Variants in DNAH8 observed in about 807,000 individuals in gnomAD.
DNAH8 encodes dynein axonemal heavy chain 8, also known as axonemal beta dynein heavy chain 8.
A neutral mutation model predicts 562.1 loss-of-function variants in DNAH8; 382 were observed. That is an observed-to-expected ratio of 0.68 (90% confidence interval 0.63 to 0.74). DNAH8 has a LOEUF of 0.74. DNAH8 is among the 30% of genes least tolerant of loss of function. DNAH8 has a pLI of 0.00. For synonymous variants in DNAH8, 1,881 were observed against 1,919.4 expected, an observed-to-expected ratio of 0.98 and a Z score of 0.52; for missense variants, 5,203 against 5,620.4, an observed-to-expected ratio of 0.93 and a Z score of 2.37.
Position 38,938,037 on chromosome 6 carries a change from A to T in DNAH8, c.11627A>T (p.Glu3876Val). Reference sequence around the variant, plus strand: ...CGAACTACCAAGCAGACAGCAGCTGAGGTAAGTGAAAAGTTGCATGTGGCT... The same window carrying T: ...CGAACTACCAAGCAGACAGCAGCTGTGGTAAGTGAAAAGTTGCATGTGGCT... Reference protein sequence around the residue: ...VLRTTKQTAAEVSEKLHVAAE... With the variant: ...VLRTTKQTAAVVSEKLHVAAE... The change falls in exon 78 of 93, where the codon GAG (glutamate) becomes GTG (valine). Residue 3876 changes from glutamate to valine, a missense_variant. Coordinates refer to ENST00000327475, the MANE Select transcript of DNAH8 (RefSeq NM_001206927.2). 6.2e-7 allele frequency: 1 copy of T among 1,613,986 alleles called. No individual in the cohort carries two copies.
rs772420159 is a variant in DNAH8 at position 38,898,360 on chromosome 6, G to A, written c.9043G>A (p.Ala3015Thr). 27 of 1,577,774 alleles carry A rather than the reference G, an allele frequency of 1.7e-5. No homozygotes were observed. Among genetic ancestry groups the A allele is most frequent in the South Asian group, 4.9e-5 (4 of 82,274 alleles). Reference sequence around the variant, plus strand: ...TCTTGATCTGGTGTTTTTTAAAGATGCAATGACTCATCTTATTAAGGTCCT... The same window carrying A: ...TCTTGATCTGGTGTTTTTTAAAGATACAATGACTCATCTTATTAAGGTCCT... ...TSLDLVFFKD[A>T]MTHLIKISRI... The change falls in exon 61 of 93, where the codon GCA becomes ACA. Residue 3015 changes from alanine to threonine, a missense_variant. Ala to Thr is a moderately conservative substitution (Grantham distance 58). This residue lies in a region of DNAH8 where 977 missense variants were observed against 1,061.8 expected (regional missense o/e 0.92). Coordinates refer to ENST00000327475, the MANE Select transcript of DNAH8 (RefSeq NM_001206927.2).
intron 11 of DNAH8, chr6:38,763,859 G>A (rs1738181): frequency 0.22 from 33,988 of 153,432 alleles, 4,170 homozygotes; most frequent in East Asian, 0.46. Context: ...TGGAAGAAGC[G>A]AGAGGCTAAA....
Position 38,842,438 on chromosome 6 carries a change from T to C in DNAH8, c.4537T>C (p.Tyr1513His), listed in dbSNP as rs1036924909. 2.5e-6 allele frequency: 4 copies of C among 1,612,876 alleles called. No homozygotes were observed. The highest frequency in any genetic ancestry group is 1.3e-5 in the African/African-American group (1 of 74,912). ...CGTAATGAGCAGTATTAGTGGTTATTATGAAATACTTTGGGGAGATGTAGA... is the reference window on the plus strand; with the variant it reads ...CGTAATGAGCAGTATTAGTGGTTATCATGAAATACTTTGGGGAGATGTAGA... Reference protein sequence around the residue: ...DTVMSSISGYYEILWGDVDIE... With the variant: ...DTVMSSISGYHEILWGDVDIE... The change falls in exon 34 of 93, where the codon TAT (tyrosine) becomes CAT (histidine). Residue 1513 changes from tyrosine to histidine, a missense_variant. This residue lies in a region of DNAH8 where 2,176 missense variants were observed against 2,365.1 expected (regional missense o/e 0.92). Coordinates refer to ENST00000327475, the MANE Select transcript of DNAH8 (RefSeq NM_001206927.2).
intron 28 of DNAH8, among the ~76,000 whole-genome samples, chr6:38,825,086 A>T (rs1773196342): frequency 6.6e-6 from 1 of 152,176 alleles, no homozygotes; most frequent in Admixed American, 6.5e-5. Flanking sequence ...GGAGAGTGGC[A>T]TCTAAAAATG....
At chr6:38,889,866 C>T (rs1482289420) in intron 57 of DNAH8, among the ~76,000 whole-genome samples, 1 of 150,432 alleles carries the variant, frequency 6.6e-6, no homozygotes, top group Non-Finnish European at 1.5e-5. Context: ...CTTCATCAAC[C>T]TGTTCTGCAT....
chr6:38,989,513 G>T (rs574038977), intron 87 of DNAH8, among the ~76,000 whole-genome samples: 25 of 152,330 alleles, frequency 1.6e-4, no homozygotes, highest in African/African-American at 5.5e-4. Flanking sequence ...TCAACTCAAG[G>T]TGGGAGGGGA....
At chr6:38,759,817 T>C (rs7738555) in intron 10 of DNAH8, among the ~76,000 whole-genome samples, 3,868 of 152,174 alleles carry the variant, frequency 0.025, 152 homozygotes, top group African/African-American at 0.086. Flanking sequence ...TTACCTCTGA[T>C]GTTTCCTCTT....
chr6:38,813,258 A>G (rs1771958534), intron 24 of DNAH8, among the ~76,000 whole-genome samples: 4 of 152,134 alleles, frequency 2.6e-5, no homozygotes, highest in Non-Finnish European at 5.9e-5. Context: ...CTGGGACACT[A>G]TGAATTGAGG....
chr6:38,893,781 A>C lies in DNAH8; in HGVS notation c.8584-920A>C, dbSNP rs186769881. Among the ~76,000 whole-genome samples, 144 of 152,364 alleles carry C rather than the reference A, an allele frequency of 9.5e-4. 1 individual carries two copies. Among genetic ancestry groups the C allele is most frequent in the African/African-American group, 3.4e-3 (141 of 41,586 alleles). On this transcript the variant is annotated intron_variant, in intron 58 of 92. Transcript: ENST00000327475. ...CAGTATAGAAAGGGCTTAATTTATG[A>C]ACAGATGCTAAAGAAAGCATCTGCT...
At chr6:38,835,877 G>A (rs1395587732) in intron 32 of DNAH8, among the ~76,000 whole-genome samples, 1 of 149,114 alleles carries the variant, frequency 6.7e-6, no homozygotes, top group Non-Finnish European at 1.5e-5. Flanking sequence ...AAAATAGTTG[G>A]TTTTTTAAAG....
intron 28 of DNAH8, among the ~76,000 whole-genome samples, chr6:38,825,943 C>T (rs1039635873): frequency 2.6e-5 from 4 of 152,172 alleles, no homozygotes; most frequent in African/African-American, 7.2e-5. Flanking sequence ...AACTCATGCA[C>T]ATTTCCACGG....
chr6:38,797,932 T>C (rs753495315), intron 21 of DNAH8, among the ~76,000 whole-genome samples: 6 of 152,068 alleles, frequency 3.9e-5, no homozygotes, highest in Non-Finnish European at 7.4e-5. Flanking sequence ...TTCTTCGGCT[T>C]GGCTAAGGCA....
At chr6:38,976,370 A>G (rs1439453177) in intron 85 of DNAH8, among the ~76,000 whole-genome samples, 2 of 152,174 alleles carry the variant, frequency 1.3e-5, no homozygotes, top group Non-Finnish European at 2.9e-5. Context: ...CTTTTTCATC[A>G]ATTTCAGAAG....
At chr6:38,948,453 C>G (rs1235639388) in intron 80 of DNAH8, among the ~76,000 whole-genome samples, 1 of 152,146 alleles carries the variant, frequency 6.6e-6, no homozygotes, top group Non-Finnish European at 1.5e-5. Flanking sequence ...ATTCTCCTGC[C>G]TCAGCCTCCC....
Position 38,723,085 on chromosome 6 carries a change from G to T in DNAH8, c.276G>T (p.Pro92=), listed in dbSNP as rs185117089. 5 of 1,612,876 alleles carry T rather than the reference G, an allele frequency of 3.1e-6. No homozygotes were observed. The Admixed American group carries it at 8.3e-5, about 27-fold the overall frequency. ...NRVRQRLAPR[P]VQSVISEVLS... The stretch of plus-strand genomic sequence containing the variant: ...TTCGACAGAGGCTTGCACCGCGACC[G>T]GTTCAGTCAGTGATTTCGGAAGTGC... Residue 92 remains proline, a synonymous_variant, in exon 2 of 93, where the codon CCG becomes CCT. Coordinates refer to ENST00000327475, the MANE Select transcript of DNAH8 (RefSeq NM_001206927.2).
At chr6:38,815,096 CT>C (rs1186833481) in intron 25 of DNAH8, among the ~76,000 whole-genome samples, 1 of 152,164 alleles carries the variant, frequency 6.6e-6, no homozygotes, top group Non-Finnish European at 1.5e-5. Flanking sequence ...TCTTCAGTTA[CT>C]TTGTTTCATA....
In DNAH8 at chr6:38,723,123, C is replaced by A; in HGVS notation, c.314C>A (p.Ser105Tyr). The change falls in exon 2 of 93, where the codon TCT (serine) becomes TAT (tyrosine). Residue 105 changes from serine to tyrosine, a missense_variant. Physicochemically the swap from Ser to Tyr is moderately radical, Grantham distance 144. Around this residue, in one of 6 missense-constraint regions of DNAH8, gnomAD observed 556 missense variants for 496.9 expected, o/e 1.12. Transcript: ENST00000327475. ...ATTTCGGAAGTGCTGTCCTTGCCGTCTTCCCGGAGGTCCTCCAGATACCGC... is the reference window on the plus strand; with the variant it reads ...ATTTCGGAAGTGCTGTCCTTGCCGTATTCCCGGAGGTCCTCCAGATACCGC... ...SVISEVLSLP[S>Y]SRRSSRYRRS... The A allele has an allele frequency of 6.2e-7, 1 of 1,612,856 alleles. No individual in the cohort carries two copies. Among genetic ancestry groups the A allele is most frequent in the South Asian group, 1.1e-5 (1 of 91,084 alleles).
intron 66 of DNAH8, among the ~76,000 whole-genome samples, chr6:38,912,538 A>C (rs1473283378): frequency 1.3e-5 from 2 of 152,182 alleles, no homozygotes; most frequent in Non-Finnish European, 2.9e-5. Flanking sequence ...CATAGTTATG[A>C]GAGAAGACTG....
chr6:38,884,341 C>T (rs1338534762), intron 56 of DNAH8, among the ~76,000 whole-genome samples: 7 of 152,172 alleles, frequency 4.6e-5, no homozygotes, highest in East Asian at 2.0e-4. Flanking sequence ...CACCCAAGCT[C>T]GAGTGCAGTG....
Sources: allele counts gnomAD v4.1 joint callset (sites outside exome capture counted in the v4.1 genomes callset), GRCh38; gene constraint gnomAD v4.1.1; regional missense constraint gnomAD v4.1.1; transcripts MANE v1.5; gene names NCBI Gene and HGNC (gene_info 2026-07-23, HGNC 2026-07-21).